MTA1: variants seen among roughly 807,000 people sequenced by gnomAD.
The protein encoded by MTA1 is metastasis associated 1, also known as metastasis-associated protein MTA1.
MTA1 carries 15 observed loss-of-function variants against 97.0 expected under a neutral mutation model. The observed-to-expected ratio is 0.15, with a 90% CI of 0.10 to 0.24. The LOEUF (loss-of-function observed/expected upper bound fraction) is 0.24, where lower values mean the gene tolerates loss of function less well. Among genes scored for constraint, MTA1 ranks in the 10% least tolerant of loss-of-function variants. MTA1 has a pLI of 1.00. For synonymous variants in MTA1, 435 were observed against 417.5 expected, an observed-to-expected ratio of 1.04 and a Z score of -0.51; for missense variants, 709 against 1,015.1, an observed-to-expected ratio of 0.70 and a Z score of 4.10.
At chr14:105,467,557 G>A (rs782697685) in intron 18 of MTA1, 12 of 447,908 alleles carry the variant, frequency 2.7e-5, no homozygotes, top group Admixed American at 9.6e-5. Context: ...GCCTGAGATC[G>A]GGTGCCGGGC....
chr14:105,464,616 C>G lies in MTA1; in HGVS notation c.1344+49C>G, dbSNP rs74092387. ...GCCTGCCATGAGCCTGTCGGCCACGCGGGTCCTCGGCCCCCGGTCATGGCG... is the reference window on the plus strand; with the variant it reads ...GCCTGCCATGAGCCTGTCGGCCACGGGGGTCCTCGGCCCCCGGTCATGGCG... On this transcript the variant is annotated intron_variant, in intron 14 of 20. Transcript: ENST00000331320. 8 of 1,609,568 alleles carry G rather than the reference C, an allele frequency of 5.0e-6. No homozygotes were observed. The Admixed American group carries it at 6.7e-5, about 13-fold the overall frequency.
chr14:105,450,363 C>T (rs148733542), intron 6 of MTA1, 39 bp downstream of exon 6: 217 of 1,579,414 alleles, frequency 1.4e-4, no homozygotes, highest in Admixed American at 2.4e-4. Flanking sequence ...CAGCCAGTCC[C>T]GGGCCACTGT....
chr14:105,438,608 G>A lies in MTA1; in HGVS notation c.29-64G>A, dbSNP rs1438814340. On this transcript the variant is annotated intron_variant, in intron 1 of 20. Coordinates refer to ENST00000331320, the MANE Select transcript of MTA1 (RefSeq NM_004689.4). Reference sequence around the variant, plus strand: ...CCTGAGCCCCGAGTCCCTGGGCCACGGGAGGTGGGACTGGGTCTGGCCTTT... The same window carrying A: ...CCTGAGCCCCGAGTCCCTGGGCCACAGGAGGTGGGACTGGGTCTGGCCTTT... The A allele has an allele frequency of 2.3e-5, 34 of 1,479,080 alleles. No homozygotes were observed. The Admixed American group carries it at 3.7e-4, about 16-fold the overall frequency. 91.6% of individuals were successfully genotyped at this position (1,479,080 alleles called of 1,614,324 possible).
intron 1 of MTA1, among the ~76,000 whole-genome samples, chr14:105,430,265 A>G (rs587625461): frequency 7.9e-5 from 12 of 152,286 alleles, no homozygotes; most frequent in African/African-American, 2.9e-4. Context: ...AGGCCATGGC[A>G]GGGTTGCTAG....
At position 105,438,728 on chromosome 14, in the gene MTA1, G is replaced by C; in HGVS notation, c.85G>C (p.Glu29Gln). The change falls in exon 2 of 21, where the codon GAG (glutamate) becomes CAG (glutamine). Residue 29 changes from glutamate (E) to glutamine (Q), a missense_variant. This residue lies in a region of MTA1 where 321 missense variants were observed against 593.5 expected (regional missense o/e 0.54). Coordinates refer to ENST00000331320, the MANE Select transcript of MTA1 (RefSeq NM_004689.4). ...SNPYLIRRIE[E>Q]LNKTANGNVE... ...CCCATACCTGATCCGGAGAATCGAG[G>C]AGCTCAACAAGGTACTGGGGGGCCC... 6.2e-7 allele frequency: 1 copy of C among 1,612,956 alleles called. No individual in the cohort carries two copies. The highest frequency in any genetic ancestry group is 8.5e-7 in the Non-Finnish European group (1 of 1,179,850).
intron 6 of MTA1, 102 bp downstream of exon 6, chr14:105,450,426 C>A: frequency 7.7e-7 from 1 of 1,300,700 alleles, no homozygotes; most frequent in East Asian, 2.5e-5. Flanking sequence ...ATTTTCCCTC[C>A]TCCCTCTAGG....
chr14:105,450,125 G>C lies in MTA1; in HGVS notation c.309G>C (p.Leu103=). The C allele has an allele frequency of 6.2e-7, 1 of 1,613,314 alleles. No individual in the cohort carries two copies. The highest frequency in any genetic ancestry group is 8.5e-7 in the Non-Finnish European group (1 of 1,179,904). ...TGCCCGAGAAACTAAAGCACCAGCTGCGGCATCGGGAGCTGTTCCTCTCCC... is the reference window on the plus strand; with the variant it reads ...TGCCCGAGAAACTAAAGCACCAGCTCCGGCATCGGGAGCTGTTCCTCTCCC... The part of the protein sequence containing the change: ...VDLPEKLKHQ[L]RHRELFLSRQ... Residue 103 remains leucine (L), a synonymous_variant, in exon 5 of 21, where the codon CTG becomes CTC. Coordinates refer to ENST00000331320, the MANE Select transcript of MTA1 (RefSeq NM_004689.4).
At chr14:105,450,391 T>A in intron 6 of MTA1, 67 bp downstream of exon 6, 1 of 1,523,816 alleles carries the variant, frequency 6.6e-7, no homozygotes. Context: ...ACCTATGACC[T>A]CTGCTGGCCT....
chr14:105,464,330 G>A lies in MTA1; in HGVS notation c.1193-86G>A, dbSNP rs587724006. 2.2e-3 allele frequency: 3,332 copies of A among 1,547,622 alleles called. 5 individuals are homozygous for A. Among genetic ancestry groups the A allele is most frequent in the Non-Finnish European group, 2.7e-3 (3,060 of 1,136,352 alleles). The stretch of plus-strand genomic sequence containing the variant: ...GTGTGGGGGTGCCTGGCGGGTGGGG[G>A]CGGCCGGCGTGGGGGTGGCGGGGAA... On this transcript the variant is annotated intron_variant, in intron 13 of 20. Transcript: ENST00000331320.
chr14:105,449,486 C>T (rs370864711), intron 4 of MTA1, 77 bp downstream of exon 4: 421 of 1,524,926 alleles, frequency 2.8e-4, no homozygotes, highest in Non-Finnish European at 3.5e-4. Flanking sequence ...CGCTGAGGGA[C>T]AGAGTTTGGG....
chr14:105,428,674 G>A (rs1389376066), intron 1 of MTA1, among the ~76,000 whole-genome samples: 1 of 151,712 alleles, frequency 6.6e-6, no homozygotes, highest in Non-Finnish European at 1.5e-5. Context: ...ACAGAGTTTA[G>A]AATTGGCTTG....
intron 1 of MTA1, among the ~76,000 whole-genome samples, chr14:105,427,755 C>T (rs1480356156): frequency 6.6e-6 from 1 of 151,978 alleles, no homozygotes; most frequent in East Asian, 1.9e-4. Flanking sequence ...CATGGTGGCT[C>T]ACACCTGTAA....
At chr14:105,467,062 C>T (rs1028354230) in intron 18 of MTA1, 48 of 495,872 alleles carry the variant, frequency 9.7e-5, no homozygotes, top group South Asian at 4.3e-5. Flanking sequence ...AGCCTCAGCT[C>T]GTGGGGCCGC....
At chr14:105,465,422 C>T (rs1555432508) in intron 16 of MTA1, 2 of 363,804 alleles carry the variant, frequency 5.5e-6, no homozygotes, top group African/African-American at 4.2e-5. Context: ...TAGCGGCCGC[C>T]CTGTCTTCTG....
At chr14:105,441,716 C>G (rs1595328175) in intron 2 of MTA1, among the ~76,000 whole-genome samples, 2 of 152,108 alleles carry the variant, frequency 1.3e-5, no homozygotes, top group African/African-American at 2.4e-5. Context: ...ATGGCGTGAA[C>G]CCGGGAGGTG....
At chr14:105,468,271 A>G (rs1555433391) in intron 18 of MTA1, 1 of 1,291,704 alleles carries the variant, frequency 7.7e-7, no homozygotes, top group South Asian at 1.2e-5. Context: ...GGGCCTGCAG[A>G]TGGCTGCGTG....
chr14:105,463,573 T>C lies in MTA1; in HGVS notation c.1076+22T>C, dbSNP rs782633708. The C allele has an allele frequency of 2.5e-6, 4 of 1,612,058 alleles. No individual in the cohort carries two copies. In the East Asian group the frequency reaches 8.9e-5, roughly 36 times the overall value. ...ACTAGTAAGTGTGCCCTCACAGCCG[T>C]CGTCCTCGTGGCCCCGGGGGCCAGG... On this transcript the variant is annotated intron_variant, in intron 12 of 20. Transcript: ENST00000331320. This position sits in a 1 kb window ranked among gnomAD's most constrained non-coding sequence, Gnocchi z 5.9.
intron 18 of MTA1, chr14:105,469,237 G>A (rs1038666253): frequency 1.6e-6 from 1 of 614,906 alleles, no homozygotes; most frequent in South Asian, 1.8e-5. Flanking sequence ...CCTGCCTGGA[G>A]CCCAAGCCAA....
In MTA1 at chr14:105,465,094, G is replaced by A. The variant is rs1555432306; in HGVS notation, c.1535G>A (p.Cys512Tyr). ...CCTCACACCGTGTGGTACCCCGCAG[G>A]CACGGCGCGGCTGCCCGAAGCCTCC... The part of the protein sequence containing the change: ...PINSAAIKAE[C>Y]TARLPEASQS... The change falls in exon 16 of 21, where the codon TGC becomes TAC. Residue 512 changes from cysteine (C) to tyrosine (Y), a missense_variant and splice_region_variant. Physicochemically the swap from Cys to Tyr is radical, Grantham distance 194. Transcript: ENST00000331320. 1 of 1,510,252 alleles carries A rather than the reference G, an allele frequency of 6.6e-7. No homozygotes were observed. The highest frequency in any genetic ancestry group is 8.9e-7 in the Non-Finnish European group (1 of 1,123,592). The allele number at this position is 1,510,252 out of a possible 1,614,324, so 93.6% of individuals were successfully genotyped here.
Sources: gnomAD v4.1 joint callset for allele counts (sites outside exome capture counted in the v4.1 genomes callset) on GRCh38, gnomAD v4.1.1 for gene constraint, gnomAD v4.1.1 regional missense constraint, Gnocchi (gnomAD v3.1) non-coding constraint, MANE v1.5 for transcripts, NCBI Gene and HGNC (gene_info 2026-07-23, HGNC 2026-07-21) for gene names.